Variants in CCSER1 observed in about 807,000 individuals in gnomAD.
CCSER1 encodes coiled-coil serine rich protein 1.
A neutral mutation model predicts 82.0 loss-of-function variants in CCSER1; 41 were observed. That is an observed-to-expected ratio of 0.50 (90% CI 0.39 to 0.65). The LOEUF (loss-of-function observed/expected upper bound fraction) is 0.65, where lower values mean the gene tolerates loss of function less well. CCSER1 is among the 30% of genes least tolerant of loss of function. The pLI, the probability that CCSER1 is intolerant of heterozygous loss-of-function variation, is 0.00. For synonymous variants in CCSER1, 414 were observed against 383.9 expected (o/e 1.08, Z -0.92); for missense variants, 1,119 against 1,064.2 (o/e 1.05, Z -0.72).
At chr4:91,334,888 G>A (rs1425220282) in intron 10 of CCSER1, among the ~76,000 whole-genome samples, 5 of 151,606 alleles carry the variant, frequency 3.3e-5, no homozygotes, top group Non-Finnish European at 7.4e-5. Flanking sequence ...ATTTATTCAG[G>A]TCAGTAAAAA....
intron 3 of CCSER1, among the ~76,000 whole-genome samples, chr4:90,336,967 T>C (rs933200551): frequency 6.6e-6 from 1 of 152,208 alleles, no homozygotes; most frequent in Non-Finnish European, 1.5e-5. Context: ...AAATGGTTTA[T>C]TTACAAAACA....
intron 7 of CCSER1, among the ~76,000 whole-genome samples, chr4:90,737,792 CT>C (rs1169492864): frequency 6.6e-6 from 1 of 151,838 alleles, no homozygotes; most frequent in Non-Finnish European, 1.5e-5. Flanking sequence ...ATTCTTTTTA[CT>C]TTTTATCTCC....
intron 10 of CCSER1, among the ~76,000 whole-genome samples, chr4:91,540,048 GTGTTT>G (rs1761506022): frequency 6.6e-6 from 1 of 151,970 alleles, no homozygotes; most frequent in African/African-American, 2.4e-5. Flanking sequence ...AAATTTCTAG[GTGTTT>G]TGTTTCACAT....
chr4:90,868,805 A>C (rs1766072598), intron 8 of CCSER1, among the ~76,000 whole-genome samples: 2 of 152,088 alleles, frequency 1.3e-5, no homozygotes, highest in Non-Finnish European at 2.9e-5. Context: ...TGGCTGTACT[A>C]ATTTACATTC....
intron 10 of CCSER1, among the ~76,000 whole-genome samples, chr4:91,169,891 T>A (rs1247438019): frequency 6.6e-6 from 1 of 152,180 alleles, no homozygotes; most frequent in Non-Finnish European, 1.5e-5. Flanking sequence ...ATAAAGTCAA[T>A]ATGCTCAATG....
At chr4:91,598,531 GTTTT>G (rs748448193) in intron 10 of CCSER1, 37 bp from the exon 11 acceptor site, 3 of 1,505,030 alleles carry the variant, frequency 2.0e-6, no homozygotes, top group South Asian at 2.6e-5. Flanking sequence ...CTATGAAAGT[GTTTT>G]TTTAAGACAT....
At chr4:91,317,489 GCT>G (rs1317380666) in intron 10 of CCSER1, among the ~76,000 whole-genome samples, 1 of 151,832 alleles carries the variant, frequency 6.6e-6, no homozygotes, top group Non-Finnish European at 1.5e-5. Context: ...GAAGGGTAGG[GCT>G]CTCTGTTTTC....
intron 8 of CCSER1, among the ~76,000 whole-genome samples, chr4:90,833,321 A>G (rs940809233): frequency 2.0e-5 from 3 of 152,200 alleles, no homozygotes; most frequent in African/African-American, 7.2e-5. Flanking sequence ...TGGCCTGATC[A>G]CATCCTAAAT....
intron 10 of CCSER1, among the ~76,000 whole-genome samples, chr4:91,398,165 G>T (rs956713878): frequency 4.6e-5 from 7 of 151,872 alleles, no homozygotes; most frequent in African/African-American, 1.5e-4. Context: ...TTAGAAAAAT[G>T]TGTGGTCCAT....
intron 9 of CCSER1, among the ~76,000 whole-genome samples, chr4:91,046,025 A>G: frequency 6.6e-6 from 1 of 151,940 alleles, no homozygotes; most frequent in Non-Finnish European, 1.5e-5. Flanking sequence ...GAGCCAGGAG[A>G]AGGAATTTCA....
intron 10 of CCSER1, among the ~76,000 whole-genome samples, chr4:91,464,439 C>A (rs1025885800): frequency 6.6e-6 from 1 of 152,162 alleles, no homozygotes; most frequent in African/African-American, 2.4e-5. Context: ...GAAGAAACTG[C>A]ATCAACTGAC....
chr4:91,401,764 G>A (rs1037593779), intron 10 of CCSER1, among the ~76,000 whole-genome samples: 3 of 152,140 alleles, frequency 2.0e-5, no homozygotes, highest in Non-Finnish European at 4.4e-5. Context: ...ATTCCATGGT[G>A]TATATGTGCC....
At chr4:90,882,797 C>G (rs2150079466) in intron 8 of CCSER1, among the ~76,000 whole-genome samples, 1 of 151,848 alleles carries the variant, frequency 6.6e-6, no homozygotes, top group Non-Finnish European at 1.5e-5. Context: ...ATATACGCAA[C>G]TTCACTTAGG....
intron 5 of CCSER1, among the ~76,000 whole-genome samples, chr4:90,471,182 A>G (rs1171070367): frequency 6.6e-6 from 1 of 151,864 alleles, no homozygotes; most frequent in Non-Finnish European, 1.5e-5. Context: ...ATTTTATTTT[A>G]TGTTATTTGT....
At chr4:91,178,986 G>A (rs1056516609) in intron 10 of CCSER1, among the ~76,000 whole-genome samples, 2 of 152,268 alleles carry the variant, frequency 1.3e-5, no homozygotes, top group South Asian at 2.1e-4. Flanking sequence ...GCTCTTGCAA[G>A]GCAGGCCTGG....
At chr4:90,955,509 G>A (rs939861257) in intron 9 of CCSER1, among the ~76,000 whole-genome samples, 4 of 152,226 alleles carry the variant, frequency 2.6e-5, no homozygotes, top group South Asian at 2.1e-4. Context: ...TTCATGTTGT[G>A]CTACAGATAG....
chr4:90,597,238 G>C (rs1783450488), intron 5 of CCSER1, among the ~76,000 whole-genome samples: 1 of 151,888 alleles, frequency 6.6e-6, no homozygotes, highest in Admixed American at 6.6e-5. Context: ...AAAGATGAAT[G>C]AATCAAATAC....
At chr4:90,313,267 C>T (rs1464948188) in intron 3 of CCSER1, among the ~76,000 whole-genome samples, 1 of 152,152 alleles carries the variant, frequency 6.6e-6, no homozygotes, top group Non-Finnish European at 1.5e-5. Flanking sequence ...GTCTTCCTTG[C>T]TTCCATGGAA....
In CCSER1 at chr4:90,746,209, C is replaced by T. The variant is rs139498978; in HGVS notation, c.2010+22218C>T. Among the ~76,000 whole-genome samples the T allele has an allele frequency of 5.6e-3, 858 of 152,176 alleles. 10 individuals are homozygous for T. Among genetic ancestry groups the T allele is most frequent in the African/African-American group, 0.02 (819 of 41,512 alleles). On this transcript the variant is annotated intron_variant, in intron 7 of 10. Transcript: ENST00000509176. Reference sequence around the variant, plus strand: ...CAATAGATGCAAATGTTCTTAAAGGCAGATATATTTTATATTCTTTATATT... The same window carrying T: ...CAATAGATGCAAATGTTCTTAAAGGTAGATATATTTTATATTCTTTATATT...
Sources: gnomAD v4.1 joint callset for allele counts (sites outside exome capture counted in the v4.1 genomes callset) on GRCh38, gnomAD v4.1.1 for gene constraint, MANE v1.5 for transcripts, NCBI Gene and HGNC (gene_info 2026-07-23, HGNC 2026-07-21) for gene names.